The following PSMD1 variants were observed in gnomAD, a reference collection of about 807,000 sequenced individuals.
PSMD1 encodes the protein 26S proteasome non-ATPase regulatory subunit 1.
Under a neutral mutation model 119.0 loss-of-function variants are expected in PSMD1, and 18 were observed. That is an observed-to-expected ratio of 0.15 (90% CI 0.10 to 0.22). The LOEUF is 0.22. PSMD1 is among the 10% of genes least tolerant of loss of function. The pLI is 1.00. For missense variants in PSMD1, 702 were observed against 1,158.5 expected (o/e 0.61, Z 5.72); for synonymous variants, 374 against 396.6 (o/e 0.94, Z 0.68).
chr2:231,100,117 A>G (rs1398378507), intron 16 of PSMD1, among the ~76,000 whole-genome samples: 1 of 152,248 alleles, frequency 6.6e-6, no homozygotes, highest in Non-Finnish European at 1.5e-5. Flanking sequence ...AGAGAGAACC[A>G]GAGACCATCC....
chr2:231,124,136 T>C (rs1263361887), intron 16 of PSMD1: 1 of 246,324 alleles, frequency 4.1e-6, no homozygotes, highest in African/African-American at 2.3e-5. Flanking sequence ...TCCCCCTAGA[T>C]ACAAAATACA....
At chr2:231,119,885 A>AAAAAC (rs1695473118) in intron 16 of PSMD1, among the ~76,000 whole-genome samples, 1 of 151,650 alleles carries the variant, frequency 6.6e-6, no homozygotes, top group Non-Finnish European at 1.5e-5. Flanking sequence ...AAAAAAAAAA[A>AAAAAC]AAAAAACTTA....
intron 16 of PSMD1, among the ~76,000 whole-genome samples, chr2:231,105,404 G>A (rs571992136): frequency 5.9e-5 from 9 of 152,168 alleles, no homozygotes; most frequent in African/African-American, 1.9e-4. Context: ...ATTGACTTCT[G>A]AAAACTCATT....
At chr2:231,167,997 T>C (rs1696827645) in intron 23 of PSMD1, among the ~76,000 whole-genome samples, 1 of 152,226 alleles carries the variant, frequency 6.6e-6, no homozygotes, top group Admixed American at 6.5e-5. Flanking sequence ...GGAGGATTGC[T>C]TGAGCCCAGT....
intron 16 of PSMD1, chr2:231,109,540 G>T: frequency 1.3e-6 from 1 of 766,798 alleles, no homozygotes; most frequent in Non-Finnish European, 2.1e-6. Context: ...CCACAATGCA[G>T]GATTTGTCGA....
chr2:231,160,347 T>C (rs1696608622), intron 19 of PSMD1, among the ~76,000 whole-genome samples: 1 of 152,196 alleles, frequency 6.6e-6, no homozygotes, highest in Admixed American at 6.5e-5. Context: ...CCAATTTAAG[T>C]GGCTTAATAA....
At chr2:231,104,437 G>A (rs1176177190) in intron 16 of PSMD1, among the ~76,000 whole-genome samples, 1 of 151,964 alleles carries the variant, frequency 6.6e-6, no homozygotes. Context: ...TTCATAAAAC[G>A]AATCTTTAAG....
intron 24 of PSMD1, among the ~76,000 whole-genome samples, chr2:231,171,549 A>ATT (rs568576394): frequency 0.02 from 2,395 of 117,022 alleles, 56 homozygotes; most frequent in East Asian, 0.042. Flanking sequence ...TTTTCAGACA[A>ATT]TTTTTTTTTT....
intron 2 of PSMD1, among the ~76,000 whole-genome samples, chr2:231,061,762 C>T (rs1316070549): frequency 6.6e-6 from 1 of 151,926 alleles, no homozygotes; most frequent in Non-Finnish European, 1.5e-5. Context: ...TGGGGTCTCA[C>T]TGTGTTGTCC....
At chr2:231,161,536 A>C in intron 20 of PSMD1, 27 bp downstream of exon 20, 1 of 1,586,962 alleles carries the variant, frequency 6.3e-7, no homozygotes, top group Non-Finnish European at 8.6e-7. Context: ...TCAGCTTTGT[A>C]GTATTTCCTG....
rs988402698 is a variant in PSMD1 at position 231,170,933 on chromosome 2, A to T, written c.*9+212A>T. Among the ~76,000 whole-genome samples the T allele has an allele frequency of 6.6e-6, 1 of 152,166 alleles. No homozygotes were observed. Among genetic ancestry groups the T allele is most frequent in the Admixed American group, 6.5e-5 (1 of 15,276 alleles). ...CTTTGACTCGTACTCTACTCACGTT[A>T]TTCAAAGTGGCTGGTCTGCAAACTA... On this transcript the variant is annotated intron_variant, in intron 24 of 24. Coordinates refer to ENST00000308696, the MANE Select transcript of PSMD1 (RefSeq NM_002807.4). This position sits in a 1 kb window ranked among gnomAD's most constrained non-coding sequence, Gnocchi z 4.1.
intron 16 of PSMD1, among the ~76,000 whole-genome samples, chr2:231,116,844 CTT>C (rs1048450387): frequency 2.0e-5 from 3 of 152,000 alleles, no homozygotes; most frequent in African/African-American, 7.2e-5. Context: ...AGAGATGAAT[CTT>C]TACAATTCCA....
In PSMD1 at chr2:231,111,655, G is replaced by C. The variant is rs188639068; in HGVS notation, c.1883+24474G>C. 1.2e-4 allele frequency among the ~76,000 whole-genome samples: 18 copies of C among 152,252 alleles called. No individual in the cohort carries two copies. The East Asian group carries it at 3.5e-3, about 29-fold the overall frequency. ...TTCATTTTTTCAAAGTTATTAATTT[G>C]TGATCGGTTCTACAAGACAAAGTGC... is the stretch of plus-strand genomic sequence containing the variant. On this transcript the variant is annotated intron_variant, in intron 16 of 24. Coordinates refer to ENST00000308696, the MANE Select transcript of PSMD1 (RefSeq NM_002807.4).
In PSMD1 at chr2:231,083,735, C is replaced by T. The variant is rs755107756; in HGVS notation, c.1694C>T (p.Ala565Val). The T allele has an allele frequency of 5.2e-5, 84 of 1,614,140 alleles. No individual in the cohort carries two copies. In the Middle Eastern group the frequency reaches 1.5e-3, roughly 29 times the overall value. ...VMYGRMEEAD[A>V]LIESLCRDKD... ...TATGGGAGGATGGAAGAGGCTGATG[C>T]TCTCATTGAATCTCTCTGTCGTGAC... is the stretch of plus-strand genomic sequence containing the variant. Residue 565 changes from alanine (A) to valine (V), a missense_variant, in exon 14 of 25, where the codon GCT (alanine) becomes GTT (valine). Physicochemically the swap from Ala to Val is moderately conservative, Grantham distance 64. Coordinates refer to ENST00000308696, the MANE Select transcript of PSMD1 (RefSeq NM_002807.4).
chr2:231,076,565 A>G (rs973668501), intron 8 of PSMD1, among the ~76,000 whole-genome samples: 1 of 152,064 alleles, frequency 6.6e-6, no homozygotes, highest in Non-Finnish European at 1.5e-5. Flanking sequence ...TACTCGGGAG[A>G]ATTGCTTGAG....
chr2:231,063,492 G>T (rs1693810299), intron 4 of PSMD1, among the ~76,000 whole-genome samples: 1 of 152,172 alleles, frequency 6.6e-6, no homozygotes, highest in Non-Finnish European at 1.5e-5. Flanking sequence ...ATTAGTAGAA[G>T]GTCTGTATTA....
chr2:231,154,502 C>CT (rs1696442716), intron 19 of PSMD1, among the ~76,000 whole-genome samples: 1 of 152,186 alleles, frequency 6.6e-6, no homozygotes, highest in Non-Finnish European at 1.5e-5. Flanking sequence ...GAGTCTCACT[C>CT]TGTCACCCAA....
Position 231,128,039 on chromosome 2 carries a change from G to A in PSMD1, c.1884-10697G>A, listed in dbSNP as rs185285252. ...TATTGAGCAGATTCTGTCTTTGACC[G>A]AAAAGGGCAGTCTAATATTCTTTAT... On this transcript the variant is annotated intron_variant, in intron 16 of 24. Coordinates refer to ENST00000308696, the MANE Select transcript of PSMD1 (RefSeq NM_002807.4). 1.5e-4 allele frequency among the ~76,000 whole-genome samples: 23 copies of A among 152,222 alleles called. No homozygotes were observed. The East Asian group carries it at 4.1e-3, about 27-fold the overall frequency.
intron 21 of PSMD1, 65 bp from the exon 22 acceptor site, chr2:231,165,135 T>C: frequency 1.6e-6 from 2 of 1,244,522 alleles, no homozygotes; most frequent in East Asian, 3.1e-5. Flanking sequence ...GACTGAGTTC[T>C]CTAGGGCTTG....
Sources: allele counts gnomAD v4.1 joint callset (sites outside exome capture counted in the v4.1 genomes callset), GRCh38; gene constraint gnomAD v4.1.1; non-coding constraint Gnocchi (gnomAD v3.1); transcripts MANE v1.5; gene names NCBI Gene and HGNC (gene_info 2026-07-23, HGNC 2026-07-21).